DNAH9: variants seen among roughly 807,000 people sequenced by gnomAD.
DNAH9 encodes dynein axonemal heavy chain 9, also known as DNAH9 variant protein.
A neutral mutation model predicts 471.6 loss-of-function variants in DNAH9; 345 were observed. The observed-to-expected ratio is 0.73, with a 90% CI of 0.67 to 0.80. The LOEUF is 0.80. DNAH9 is among the 30% of genes least tolerant of loss of function. DNAH9 has a pLI of 0.00. For synonymous variants in DNAH9, 2,093 were observed against 2,123.6 expected (o/e 0.99, Z 0.40); for missense variants, 5,407 against 5,609.2 (o/e 0.96, Z 1.15).
At chr17:11,884,743 A>G (rs968818293) in intron 56 of DNAH9, among the ~76,000 whole-genome samples, 26 of 152,140 alleles carry the variant, frequency 1.7e-4, no homozygotes, top group African/African-American at 6.0e-4. Context: ...AGGTTCCACT[A>G]TCAGTTACCT....
intron 49 of DNAH9, among the ~76,000 whole-genome samples, chr17:11,844,163 C>T (rs1382168716): frequency 4.0e-5 from 6 of 151,600 alleles, no homozygotes; most frequent in Non-Finnish European, 8.8e-5. Flanking sequence ...TGTGAAAGGT[C>T]TTTCTAAATG....
intron 49 of DNAH9, among the ~76,000 whole-genome samples, chr17:11,851,338 G>A (rs1458252996): frequency 1.3e-5 from 2 of 152,072 alleles, no homozygotes; most frequent in East Asian, 1.9e-4. Flanking sequence ...GGCTGGTCTC[G>A]AACTCCTGAC....
chr17:11,646,837 C>T (rs1000709616), intron 11 of DNAH9, among the ~76,000 whole-genome samples: 1 of 152,080 alleles, frequency 6.6e-6, no homozygotes, highest in Non-Finnish European at 1.5e-5. Flanking sequence ...CACTTGAACC[C>T]GGGAGGCAGA....
At position 11,923,866 on chromosome 17, in the gene DNAH9, G is replaced by C. The variant is rs1429256220; in HGVS notation, c.11802G>C (p.Leu3934Phe). ...FNNQNFHNVS[L>F]GQGQEVVAEA... ...ATCAGAACTTTCACAACGTGTCTTTGGGGCAAGGACAGGAAGTGGTGGCTG... is the reference window on the plus strand; with the variant it reads ...ATCAGAACTTTCACAACGTGTCTTTCGGGCAAGGACAGGAAGTGGTGGCTG... The change falls in exon 62 of 69, where the codon TTG (leucine) becomes TTC (phenylalanine). Residue 3934 changes from leucine (L) to phenylalanine (F), a missense_variant. Leu to Phe is a conservative substitution (Grantham distance 22, BLOSUM62 0). This residue lies in a region of DNAH9 where 4,636 missense variants were observed against 4,900.3 expected (regional missense o/e 0.95). Coordinates refer to ENST00000262442, the MANE Select transcript of DNAH9 (RefSeq NM_001372.4). 6.2e-7 allele frequency: 1 copy of C among 1,614,012 alleles called. No homozygotes were observed. The highest frequency in any genetic ancestry group is 1.1e-5 in the South Asian group (1 of 91,066).
intron 49 of DNAH9, among the ~76,000 whole-genome samples, chr17:11,842,453 A>G (rs1971065649): frequency 6.6e-6 from 1 of 152,236 alleles, no homozygotes; most frequent in Non-Finnish European, 1.5e-5. Flanking sequence ...TTTATTAAGG[A>G]GTATTGACTC....
chr17:11,902,846 A>G lies in DNAH9; in HGVS notation c.11534A>G (p.Lys3845Arg). 1 of 1,614,024 alleles carries G rather than the reference A, an allele frequency of 6.2e-7. No individual in the cohort carries two copies. The highest frequency in any genetic ancestry group is 1.7e-4 in the Middle Eastern group (1 of 6,054). ...KEKLPQEWKNKTALQRLCMLR... is the reference protein window; with the variant it reads ...KEKLPQEWKNRTALQRLCMLR... ...AAGCTCCCACAGGAGTGGAAGAACAAGACAGCCCTGCAGCGCCTCTGCATG... is the reference window on the plus strand; with the variant it reads ...AAGCTCCCACAGGAGTGGAAGAACAGGACAGCCCTGCAGCGCCTCTGCATG... Residue 3845 changes from lysine to arginine, a missense_variant, in exon 60 of 69, where the codon AAG becomes AGG. Transcript: ENST00000262442.
rs1193246497 is a variant in DNAH9 at position 11,762,770 on chromosome 17, G to GTTTGTTTGTTTTTTT, written c.6996-667_6996-666insGTTTGTTTTTTTTTT. Among the ~76,000 whole-genome samples, 9 of 90,740 alleles carry GTTTGTTTGTTTTTTT rather than the reference G, an allele frequency of 9.9e-5. 1 individual carries two copies. Among genetic ancestry groups the GTTTGTTTGTTTTTTT allele is most frequent in the Admixed American group, 4.1e-4 (3 of 7,260 alleles). 59.5% of individuals were successfully genotyped at this position (90,740 alleles called of 152,430 possible). On this transcript the variant is annotated intron_variant, in intron 35 of 68. Coordinates refer to ENST00000262442, the MANE Select transcript of DNAH9 (RefSeq NM_001372.4). Reference sequence around the variant, plus strand: ...CCTCTTTAGGTGCGTTTTTTTTTTTGTTTTTTTTTTTTTTTTTTTTTTTTT... The same window carrying GTTTGTTTGTTTTTTT: ...CCTCTTTAGGTGCGTTTTTTTTTTTGTTTGTTTGTTTTTTTTTTTTTTTTTTTTTTTTTTTTTTTT...
At chr17:11,709,142 A>G (rs1436644640) in intron 26 of DNAH9, among the ~76,000 whole-genome samples, 2 of 152,204 alleles carry the variant, frequency 1.3e-5, no homozygotes, top group Non-Finnish European at 2.9e-5. Context: ...CTAGTGCTGA[A>G]TACCTTATAG....
At chr17:11,905,619 T>C (rs1016932227) in intron 60 of DNAH9, 42 bp from the exon 61 acceptor site, 2 of 1,583,320 alleles carry the variant, frequency 1.3e-6, no homozygotes, top group African/African-American at 2.7e-5. Context: ...ATTTTGTGGC[T>C]GCTATATATG....
intron 55 of DNAH9, among the ~76,000 whole-genome samples, chr17:11,883,382 T>C (rs1309171495): frequency 2.6e-5 from 4 of 152,204 alleles, no homozygotes; most frequent in Non-Finnish European, 5.9e-5. Flanking sequence ...GAGGGTAAAC[T>C]GGCTCAAGGT....
intron 50 of DNAH9, among the ~76,000 whole-genome samples, chr17:11,866,773 A>G (rs1972072110): frequency 1.3e-5 from 2 of 152,310 alleles, no homozygotes; most frequent in African/African-American, 4.8e-5. Context: ...TTGATCTCAG[A>G]CTGCTGTGCT....
intron 14 of DNAH9, among the ~76,000 whole-genome samples, chr17:11,657,996 A>G (rs995519018): frequency 1.3e-5 from 2 of 152,066 alleles, no homozygotes; most frequent in African/African-American, 4.8e-5. Context: ...TTTGACTAGT[A>G]TAAGTTCTTT....
At chr17:11,668,572 G>A (rs1406923691) in intron 15 of DNAH9, among the ~76,000 whole-genome samples, 1 of 150,676 alleles carries the variant, frequency 6.6e-6, no homozygotes, top group East Asian at 2.0e-4. Flanking sequence ...GGCTGTGGCA[G>A]AAGAATCTCT....
Position 11,969,531 on chromosome 17 carries a change from C to G in DNAH9, c.*4C>G. On this transcript the variant is annotated 3_prime_UTR_variant, in exon 69 of 69. Transcript: ENST00000262442. ...AGCCTTGCTTCTCCAGATTTAGCAT[C>G]CTGCAGAGCCACCGAGAAAATAAAA... The G allele has an allele frequency of 1.3e-6, 2 of 1,599,250 alleles. No individual in the cohort carries two copies. Among genetic ancestry groups the G allele is most frequent in the East Asian group, 2.2e-5 (1 of 44,560 alleles).
In DNAH9 at chr17:11,742,429, T is replaced by C. The variant is rs1352786888; in HGVS notation, c.6111+116T>C. ...CTCAAGCTTTCTCATAGAAAGTCAC[T>C]GTACCCATAAGCATGTCGAAACCTC... On this transcript the variant is annotated intron_variant, in intron 30 of 68. Coordinates refer to ENST00000262442, the MANE Select transcript of DNAH9 (RefSeq NM_001372.4). The C allele has an allele frequency of 3.8e-6, 4 of 1,052,062 alleles. No individual in the cohort carries two copies. In the African/African-American group the frequency reaches 4.7e-5, roughly 12 times the overall value. The allele number at this position is 1,052,062 out of a possible 1,614,324, so 65.2% of individuals were successfully genotyped here. A position where few individuals can be genotyped will look rare whatever the true frequency, so the allele number is the denominator to read the frequency against.
intron 49 of DNAH9, among the ~76,000 whole-genome samples, chr17:11,843,206 A>AT (rs1971089526): frequency 6.6e-6 from 1 of 152,202 alleles, no homozygotes; most frequent in Admixed American, 6.5e-5. Context: ...TAAATTTAAA[A>AT]TACTTAATCA....
chr17:11,813,542 C>T (rs2150931630), intron 45 of DNAH9, among the ~76,000 whole-genome samples: 1 of 152,302 alleles, frequency 6.6e-6, no homozygotes, highest in Non-Finnish European at 1.5e-5. Context: ...GAAACCATAA[C>T]TTAGACAACC....
intron 27 of DNAH9, among the ~76,000 whole-genome samples, chr17:11,724,833 G>A (rs8065608): frequency 2.6e-5 from 4 of 152,176 alleles, no homozygotes; most frequent in African/African-American, 9.7e-5. Context: ...ACTTTATTTC[G>A]ATTATTATTA....
chr17:11,736,973 A>G (rs1198275764), intron 28 of DNAH9, among the ~76,000 whole-genome samples: 2 of 152,212 alleles, frequency 1.3e-5, no homozygotes, highest in African/African-American at 4.8e-5. Flanking sequence ...GACTGGGGAC[A>G]AAGGAGAGAA....
Sources: gnomAD v4.1 joint callset for allele counts (sites outside exome capture counted in the v4.1 genomes callset) on GRCh38, gnomAD v4.1.1 for gene constraint, gnomAD v4.1.1 regional missense constraint, MANE v1.5 for transcripts, NCBI Gene and HGNC (gene_info 2026-07-23, HGNC 2026-07-21) for gene names.